The following CBFB variants were observed in gnomAD, a reference collection of about 807,000 sequenced individuals.
The protein encoded by CBFB is CBF-beta.
A neutral mutation model predicts 30.4 loss-of-function variants in CBFB; 9 were observed. The observed-to-expected ratio is 0.30, with a 90% CI of 0.18 to 0.52. The LOEUF (loss-of-function observed/expected upper bound fraction) is 0.52. Among genes scored for constraint, CBFB ranks in the 20% least tolerant of loss-of-function variants. The pLI is 0.97. For synonymous variants in CBFB, 94 were observed against 84.0 expected (o/e 1.12, Z -0.65); for missense variants, 170 against 244.0 (o/e 0.70, Z 2.02).
intron 5 of CBFB, among the ~76,000 whole-genome samples, chr16:67,085,156 G>GTT (rs1339998381): frequency 1.3e-5 from 2 of 151,454 alleles, no homozygotes; most frequent in Non-Finnish European, 2.9e-5. Flanking sequence ...GTGTGTGTGT[G>GTT]TGTGTCTCTG....
chr16:67,058,162 A>G (rs1960784618), intron 3 of CBFB, among the ~76,000 whole-genome samples: 1 of 146,834 alleles, frequency 6.8e-6, no homozygotes, highest in East Asian at 1.9e-4. Context: ...TGTTGTTGAG[A>G]TGGAGTCTTG....
intron 4 of CBFB, among the ~76,000 whole-genome samples, chr16:67,068,447 C>T (rs2145753130): frequency 6.6e-6 from 1 of 152,042 alleles, no homozygotes; most frequent in East Asian, 1.9e-4. Context: ...TGCCAGTGTA[C>T]TGCAGCCTGG....
chr16:67,065,562 G>A (rs2145749338), intron 3 of CBFB, among the ~76,000 whole-genome samples: 1 of 151,822 alleles, frequency 6.6e-6, no homozygotes, highest in African/African-American at 2.4e-5. Flanking sequence ...TTACTTTTTA[G>A]AGGTGAGGTC....
chr16:67,094,117 CTTT>C (rs757109594), intron 5 of CBFB, among the ~76,000 whole-genome samples: 22 of 130,546 alleles, frequency 1.7e-4, no homozygotes, highest in African/African-American at 4.5e-4. Context: ...CTTCCTCCCT[CTTT>C]TTTTTTTTTT....
rs1962159602 is a variant in CBFB at position 67,099,590 on chromosome 16, G to A, written c.*812G>A. ...GGTATTAACTCTGTACTCTGCCCTA[G>A]ATTGTTTTAGCTTCTGTTCTGTAAT... On this transcript the variant is annotated 3_prime_UTR_variant, in exon 6 of 6. Coordinates refer to ENST00000412916, the MANE Select transcript of CBFB (RefSeq NM_022845.3). 4.9e-6 allele frequency: 1 copy of A among 202,154 alleles called. No homozygotes were observed. The highest frequency in any genetic ancestry group is 1.0e-5 in the Non-Finnish European group (1 of 98,248). The allele number at this position is 202,154 out of a possible 1,614,324, so 12.5% of individuals were successfully genotyped here. A position where few individuals can be genotyped will look rare whatever the true frequency, so the allele number is the denominator to read the frequency against.
chr16:67,033,847 C>T (rs1307544481), intron 2 of CBFB, among the ~76,000 whole-genome samples: 14 of 109,218 alleles, frequency 1.3e-4, no homozygotes, highest in African/African-American at 4.2e-4. Flanking sequence ...TTTGAGACGG[C>T]GTCTTGCACT....
intron 3 of CBFB, among the ~76,000 whole-genome samples, chr16:67,045,782 C>T (rs1275477081): frequency 2.0e-5 from 3 of 150,930 alleles, no homozygotes; most frequent in East Asian, 1.9e-4. Flanking sequence ...CCCCTCCTTC[C>T]TTCTACTTTC....
rs1961075054 is a variant in CBFB, at chr16:67,066,865, C to T, written c.399+67C>T. 8 of 815,292 alleles carry T rather than the reference C, an allele frequency of 9.8e-6. No individual in the cohort carries two copies. In the South Asian group the frequency reaches 1.0e-4, roughly 10 times the overall value. The allele number at this position is 815,292 out of a possible 1,614,324, so 50.5% of individuals were successfully genotyped here. ...CCCTAATCTTGCCTTTGCCTGGGGACCTATTTTACCCAATTTTTAAGAGTA... is the reference window on the plus strand; with the variant it reads ...CCCTAATCTTGCCTTTGCCTGGGGATCTATTTTACCCAATTTTTAAGAGTA... On this transcript the variant is annotated intron_variant, in intron 4 of 5. Transcript: ENST00000412916.
intron 3 of CBFB, among the ~76,000 whole-genome samples, chr16:67,049,492 G>C (rs1273321212): frequency 1.3e-5 from 2 of 151,958 alleles, no homozygotes; most frequent in African/African-American, 2.4e-5. Flanking sequence ...GTGAGCCACC[G>C]CGCCCGGCCC....
chr16:67,070,310 A>G (rs1487681595), intron 4 of CBFB, among the ~76,000 whole-genome samples: 1 of 152,164 alleles, frequency 6.6e-6, no homozygotes, highest in Non-Finnish European at 1.5e-5. Flanking sequence ...AGGCTGAAGC[A>G]GGAGGATCCC....
intron 3 of CBFB, among the ~76,000 whole-genome samples, chr16:67,060,341 A>G (rs1246570078): frequency 6.6e-6 from 1 of 152,046 alleles, no homozygotes. Context: ...AGAGTGTACG[A>G]TTCATTGATT....
chr16:67,091,406 T>C (rs891506530), intron 5 of CBFB, among the ~76,000 whole-genome samples: 11 of 152,210 alleles, frequency 7.2e-5, no homozygotes, highest in Admixed American at 5.9e-4. Context: ...TGCCAGGCAG[T>C]GTACATTATA....
At chr16:67,053,634 T>G (rs932397742) in intron 3 of CBFB, among the ~76,000 whole-genome samples, 17 of 151,992 alleles carry the variant, frequency 1.1e-4, no homozygotes, top group African/African-American at 4.1e-4. Context: ...TCAGCTTCCC[T>G]GTGAATTTTT....
Position 67,100,398 on chromosome 16 carries a change from A to G in CBFB, c.*1620A>G, listed in dbSNP as rs1433890250. 9.0e-6 allele frequency: 2 copies of G among 222,964 alleles called. No individual in the cohort carries two copies. Among genetic ancestry groups the G allele is most frequent in the African/African-American group, 2.2e-5 (1 of 44,772 alleles). 13.8% of individuals were successfully genotyped at this position (222,964 alleles called of 1,614,324 possible). ...ATTTGTTATATATTTGAAGTTATGC[A>G]TGGAAAGGAGTGTGTTTAAATTGTT... On this transcript the variant is annotated 3_prime_UTR_variant, in exon 6 of 6. Coordinates refer to ENST00000412916, the MANE Select transcript of CBFB (RefSeq NM_022845.3).
chr16:67,039,616 A>C (rs1412640958), intron 3 of CBFB, among the ~76,000 whole-genome samples: 1 of 151,962 alleles, frequency 6.6e-6, no homozygotes, highest in Non-Finnish European at 1.5e-5. Flanking sequence ...AAAGCAATAC[A>C]TGAATGTATT....
chr16:67,085,396 C>T (rs1351073777), intron 5 of CBFB, among the ~76,000 whole-genome samples: 1 of 151,290 alleles, frequency 6.6e-6, no homozygotes, highest in Non-Finnish European at 1.5e-5. Context: ...TCTCAAACAC[C>T]TGACCTCGGG....
chr16:67,086,681 G>A, intron 5 of CBFB, among the ~76,000 whole-genome samples: 1 of 152,272 alleles, frequency 6.6e-6, no homozygotes, highest in South Asian at 2.1e-4. Flanking sequence ...TATTTATAAT[G>A]TGTTGGTTTA....
At chr16:67,061,721 G>A (rs1960916178) in intron 3 of CBFB, among the ~76,000 whole-genome samples, 1 of 152,048 alleles carries the variant, frequency 6.6e-6, no homozygotes, top group Non-Finnish European at 1.5e-5. Context: ...GCAGTCATTA[G>A]TCTTGATTAA....
chr16:67,090,756 G>A (rs1475189442), intron 5 of CBFB, among the ~76,000 whole-genome samples: 1 of 152,170 alleles, frequency 6.6e-6, no homozygotes, highest in African/African-American at 2.4e-5. Flanking sequence ...TGTCTTTAAT[G>A]TCAGAGAATG....
Sources: allele counts gnomAD v4.1 joint callset (sites outside exome capture counted in the v4.1 genomes callset), GRCh38; gene constraint gnomAD v4.1.1; transcripts MANE v1.5; gene names NCBI Gene and HGNC (gene_info 2026-07-23, HGNC 2026-07-21).